Variants in HEMK2 observed in about 807,000 individuals in gnomAD.
HEMK2 encodes methyltransferase HEMK2.
chr21:28,840,470 C>A, the HEMK2 span, among the ~76,000 whole-genome samples: 3 of 152,068 alleles, frequency 2.0e-5, no homozygotes, highest in Non-Finnish European at 4.4e-5. Context: ...ATACATCTGA[C>A]AAAGGACTAA....
chr21:28,750,440 T>C, the HEMK2 span, among the ~76,000 whole-genome samples: 2 of 152,098 alleles, frequency 1.3e-5, no homozygotes, highest in Non-Finnish European at 2.9e-5. Flanking sequence ...GACTCATACC[T>C]GTAATCCCAA....
chr21:28,849,765 A>G, the HEMK2 span, among the ~76,000 whole-genome samples: 1 of 152,202 alleles, frequency 6.6e-6, no homozygotes, highest in African/African-American at 2.4e-5. Flanking sequence ...CAAGCTGATG[A>G]AAGAATCTCA....
the HEMK2 span, among the ~76,000 whole-genome samples, chr21:28,673,957 T>G: frequency 6.6e-6 from 1 of 152,092 alleles, no homozygotes; most frequent in East Asian, 1.9e-4. Flanking sequence ...AGAAGCTGGG[T>G]AAAATGAGGC....
At chr21:28,811,270 G>GAAAGAAAGAAAGAAAGAAAGAA in the HEMK2 span, among the ~76,000 whole-genome samples, 1 of 123,674 alleles carries the variant, frequency 8.1e-6, no homozygotes, top group African/African-American at 3.4e-5. Context: ...AAGAAAGAAA[G>GAAAGAAAGAAAGAAAGAAAGAA]AGAAAGAAAG....
chr21:28,867,129 A>G, the HEMK2 span, among the ~76,000 whole-genome samples: 1 of 152,214 alleles, frequency 6.6e-6, no homozygotes, highest in Admixed American at 6.5e-5. Flanking sequence ...ACATAATTGT[A>G]CCGTATGATT....
chr21:28,777,090 A>C, the HEMK2 span, among the ~76,000 whole-genome samples: 1 of 152,214 alleles, frequency 6.6e-6, no homozygotes. Flanking sequence ...GTGTTCATTC[A>C]GTTTTCCTTA....
chr21:28,596,208 A>G, the HEMK2 span, among the ~76,000 whole-genome samples: 61,262 of 151,524 alleles, frequency 0.4, 12,584 homozygotes, highest in Middle Eastern at 0.48. Context: ...TAGTAGAGAC[A>G]GGGTTTCATG....
the HEMK2 span, among the ~76,000 whole-genome samples, chr21:28,869,395 T>C: frequency 6.6e-6 from 1 of 152,272 alleles, no homozygotes; most frequent in South Asian, 2.1e-4. Context: ...TTCCTCTATG[T>C]GAATGTGGTT....
chr21:28,688,199 A>G, the HEMK2 span, among the ~76,000 whole-genome samples: 1 of 152,240 alleles, frequency 6.6e-6, no homozygotes, highest in African/African-American at 2.4e-5. Context: ...AAGACAATAA[A>G]GAATGAGAGT....
the HEMK2 span, among the ~76,000 whole-genome samples, chr21:28,712,986 AAAAG>A: frequency 6.6e-6 from 1 of 152,192 alleles, no homozygotes; most frequent in Non-Finnish European, 1.5e-5. Context: ...GATTTTAGGC[AAAAG>A]GTACACTAAG....
At chr21:28,804,170 TATCTTCTTATGAAAAACCTTTTTCCC>T in the HEMK2 span, among the ~76,000 whole-genome samples, 71 of 152,360 alleles carry the variant, frequency 4.7e-4, no homozygotes, top group Middle Eastern at 0.01. Flanking sequence ...AGATAAAGGC[TATCTTCTTATGAAAAACCTTTTTCCC>T]ATCTCTTCTA....
At chr21:28,670,164 A>T in the HEMK2 span, among the ~76,000 whole-genome samples, 1 of 152,136 alleles carries the variant, frequency 6.6e-6, no homozygotes, top group South Asian at 2.1e-4. Context: ...CAATGGAAGC[A>T]TGTTTTCCAT....
chr21:28,814,603 T>G, the HEMK2 span, among the ~76,000 whole-genome samples: 1 of 150,976 alleles, frequency 6.6e-6, no homozygotes, highest in South Asian at 2.1e-4. Context: ...AAGAAGACAT[T>G]TATGCAGCCA....
At chr21:28,672,992 AAAAGAAAGAGAAAG>A in the HEMK2 span, among the ~76,000 whole-genome samples, 1 of 128,260 alleles carries the variant, frequency 7.8e-6, no homozygotes, top group South Asian at 2.6e-4. Context: ...GAGAGAAAGA[AAAAGAAAGAGAAAG>A]AAAGAAAGAA....
the HEMK2 span, chr21:28,882,354 A>C: frequency 6.2e-6 from 5 of 800,606 alleles, no homozygotes; most frequent in South Asian, 8.1e-5. Context: ...GAACAGATTT[A>C]GAAAAAAAAA....
At chr21:28,737,827 A>G in the HEMK2 span, among the ~76,000 whole-genome samples, 1 of 152,254 alleles carries the variant, frequency 6.6e-6, no homozygotes, top group Non-Finnish European at 1.5e-5. Flanking sequence ...GGTCTGCCAG[A>G]ACTCTGGGAG....
At chr21:28,680,919 T>G in the HEMK2 span, among the ~76,000 whole-genome samples, 1 of 152,154 alleles carries the variant, frequency 6.6e-6, no homozygotes, top group African/African-American at 2.4e-5. Flanking sequence ...ATAAGAGCTA[T>G]TTATGACAAA....
the HEMK2 span, among the ~76,000 whole-genome samples, chr21:28,612,928 T>C: frequency 9.8e-3 from 1,494 of 152,196 alleles, 31 homozygotes; most frequent in African/African-American, 0.034. Flanking sequence ...ATGAAAGACA[T>C]CATAGATGAC....
At chr21:28,717,626 C>T in the HEMK2 span, among the ~76,000 whole-genome samples, 3 of 151,964 alleles carry the variant, frequency 2.0e-5, no homozygotes, top group South Asian at 2.1e-4. Context: ...ATTACAGGTG[C>T]ATGCCACCAC....
Sources: gnomAD v4.1 joint callset for allele counts (sites outside exome capture counted in the v4.1 genomes callset) on GRCh38, gnomAD v4.1.1 for gene constraint, MANE v1.5 for transcripts, NCBI Gene and HGNC (gene_info 2026-07-23, HGNC 2026-07-21) for gene names.